Variants in ARSK observed in about 807,000 individuals in gnomAD.
The protein encoded by ARSK is arylsulfatase K.
In ARSK, 37 loss-of-function variants were observed where a neutral mutation model predicts 53.2. That is an observed-to-expected ratio of 0.70 (90% CI 0.54 to 0.92). The LOEUF (loss-of-function observed/expected upper bound fraction) is 0.92. ARSK is among the 40% of genes least tolerant of loss of function. The probability of loss-of-function intolerance (pLI) is 0.00; values close to 1 mark genes in which losing one functional copy is unlikely to be tolerated. For synonymous variants in ARSK, 208 were observed against 223.2 expected (o/e 0.93, Z 0.61); for missense variants, 613 against 643.0 (o/e 0.95, Z 0.51).
intron 1 of ARSK, among the ~76,000 whole-genome samples, chr5:95,564,601 G>A (rs1191011711): frequency 6.6e-6 from 1 of 151,728 alleles, no homozygotes; most frequent in Non-Finnish European, 1.5e-5. Context: ...TCTTTACCAC[G>A]CATCGAAAGT....
intron 1 of ARSK, chr5:95,556,367 TGAA>T (rs1748509257): frequency 1.6e-5 from 10 of 640,238 alleles, no homozygotes; most frequent in Non-Finnish European, 2.8e-5. Context: ...CAAAGGCAAA[TGAA>T]GGAAGCAGGA....
chr5:95,595,920 A>G (rs1475484079), intron 6 of ARSK, among the ~76,000 whole-genome samples: 1 of 152,238 alleles, frequency 6.6e-6, no homozygotes, highest in Non-Finnish European at 1.5e-5. Context: ...TTAAAACTGT[A>G]CAAATTGATG....
intron 1 of ARSK, among the ~76,000 whole-genome samples, chr5:95,560,822 TG>T (rs74894591): frequency 0.19 from 21,768 of 112,982 alleles, 2,170 homozygotes; most frequent in African/African-American, 0.35. Context: ...TTTTTTTTTT[TG>T]AAATGGAGTC....
chr5:95,591,402 T>C lies in ARSK; in HGVS notation c.873T>C (p.Gly291=). The C allele has an allele frequency of 6.2e-7, 1 of 1,603,872 alleles. No individual in the cohort carries two copies. Among genetic ancestry groups the C allele is most frequent in the Non-Finnish European group, 8.5e-7 (1 of 1,170,738 alleles). The part of the protein sequence containing the change: ...AMCAETDAML[G]EIILALHQLD... ...GGTTTATCATGATTTCTATTGTAGG[T>C]GAAATTATTTTGGCCCTTCATCAAT... The change falls in exon 6 of 8, where the codon GGT becomes GGC. Residue 291 remains glycine, a splice_region_variant and synonymous_variant. Coordinates refer to ENST00000380009, the MANE Select transcript of ARSK (RefSeq NM_198150.3).
Position 95,583,070 on chromosome 5 carries a change from G to T in ARSK, c.571G>T (p.Ala191Ser), listed in dbSNP as rs764966023. The change falls in exon 4 of 8, where the codon GCA becomes TCA. Residue 191 changes from alanine (A) to serine (S), a missense_variant. By Grantham distance (99) the Ala-to-Ser change is moderately conservative (BLOSUM62 1). Transcript: ENST00000380009. The part of the protein sequence containing the change: ...DKAVNWLRKE[A>S]INYTEPFVIY... ...AGCAGTAAACTGGTTAAGAAAGGAAGCAATTAATTACACTGAACCATTTGT... is the reference window on the plus strand; with the variant it reads ...AGCAGTAAACTGGTTAAGAAAGGAATCAATTAATTACACTGAACCATTTGT... 17 of 1,613,632 alleles carry T rather than the reference G, an allele frequency of 1.1e-5. No homozygotes were observed. Among genetic ancestry groups the T allele is most frequent in the Non-Finnish European group, 1.4e-5 (17 of 1,179,748 alleles).
rs1311195987 is a variant in ARSK, at chr5:95,588,086, T to C, written c.871+1353T>C. 3.3e-5 allele frequency among the ~76,000 whole-genome samples: 5 copies of C among 152,152 alleles called. No individual in the cohort carries two copies. The South Asian group carries it at 6.2e-4, about 19-fold the overall frequency. ...ATACTAGAAATTGCATTTGAAAGTTTATAGCCATTCATTCATCTGTATCTA... is the reference window on the plus strand; with the variant it reads ...ATACTAGAAATTGCATTTGAAAGTTCATAGCCATTCATTCATCTGTATCTA... On this transcript the variant is annotated intron_variant, in intron 5 of 7. Transcript: ENST00000380009.
intron 3 of ARSK, among the ~76,000 whole-genome samples, chr5:95,568,656 A>T (rs1156706477): frequency 6.6e-6 from 1 of 152,206 alleles, no homozygotes; most frequent in Non-Finnish European, 1.5e-5. Context: ...AAGAGCTAAC[A>T]TAGGAGGCCT....
intron 3 of ARSK, among the ~76,000 whole-genome samples, chr5:95,575,357 T>C (rs1748907635): frequency 6.6e-6 from 1 of 152,140 alleles, no homozygotes; most frequent in Non-Finnish European, 1.5e-5. Flanking sequence ...TGTTTGTTTG[T>C]TTTTTCTTTT....
chr5:95,584,698 GA>G (rs200685212), intron 4 of ARSK, among the ~76,000 whole-genome samples: 13 of 149,704 alleles, frequency 8.7e-5, no homozygotes, highest in South Asian at 4.2e-4. Flanking sequence ...AGAGTAGCAA[GA>G]AAAAAAAAAT....
At chr5:95,580,865 G>A (rs1749010616) in intron 3 of ARSK, 1 of 1,266,224 alleles carries the variant, frequency 7.9e-7, no homozygotes, top group African/African-American at 1.5e-5. Flanking sequence ...AATTTGCAAA[G>A]AAATAAATTG....
At chr5:95,583,322 C>T (rs1055488438) in intron 4 of ARSK, 124 bp downstream of exon 4, 1 of 814,162 alleles carries the variant, frequency 1.2e-6, no homozygotes, top group Non-Finnish European at 1.8e-6. Context: ...TCAAACTTGA[C>T]CAATAACTAG....
In ARSK at chr5:95,586,591, G is replaced by A. The variant is rs750316907; in HGVS notation, c.729G>A (p.Lys243=). The change falls in exon 5 of 8, where the codon AAG becomes AAA. Residue 243 remains lysine, a synonymous_variant. Transcript: ENST00000380009. ...KVSHDAIKIP[K]WSPLSEMHPV... is the part of the protein sequence containing the mutation. The stretch of plus-strand genomic sequence containing the variant: ...CTCATGATGCCATCAAAATCCCAAA[G>A]TGGTCACCTTTGTCAGAAATGCACC... The A allele has an allele frequency of 6.2e-7, 1 of 1,611,812 alleles. No homozygotes were observed. The highest frequency in any genetic ancestry group is 8.5e-7 in the Non-Finnish European group (1 of 1,179,244).
intron 5 of ARSK, among the ~76,000 whole-genome samples, chr5:95,590,964 G>T (rs1749202505): frequency 6.6e-6 from 1 of 152,178 alleles, no homozygotes; most frequent in Non-Finnish European, 1.5e-5. Context: ...GAGAAGAAGA[G>T]TTCTGACTGC....
At chr5:95,572,860 G>C (rs1361293258) in intron 3 of ARSK, among the ~76,000 whole-genome samples, 1 of 152,154 alleles carries the variant, frequency 6.6e-6, no homozygotes, top group Non-Finnish European at 1.5e-5. Context: ...TTTCAACTGA[G>C]GGCGGTCACC....
rs553588408 is a variant in ARSK, at chr5:95,565,254, AT to A, written c.127-735del. Among the ~76,000 whole-genome samples the A allele has an allele frequency of 5.5e-3, 836 of 151,374 alleles. 6 individuals are homozygous for A. Among genetic ancestry groups the A allele is most frequent in the African/African-American group, 0.019 (797 of 41,318 alleles). ...TCAGACTCACTTATCAAGCTGCCTA[AT>A]TTTTTTTTGTAGAAACAGGGTCTCC... On this transcript the variant is annotated intron_variant, in intron 1 of 7. Coordinates refer to ENST00000380009, the MANE Select transcript of ARSK (RefSeq NM_198150.3).
At chr5:95,592,329 A>C (rs1749232251) in intron 6 of ARSK, among the ~76,000 whole-genome samples, 2 of 152,208 alleles carry the variant, frequency 1.3e-5, no homozygotes, top group Non-Finnish European at 2.9e-5. Context: ...AAATAGCACA[A>C]GTTATGTTCT....
rs199789024 is a variant in ARSK, at chr5:95,588,975, A to AAAC, written c.871+2244_871+2245insCAA. 9.4e-3 allele frequency among the ~76,000 whole-genome samples: 1,279 copies of AAAC among 136,730 alleles called. 14 individuals are homozygous for AAAC. The highest frequency in any genetic ancestry group is 0.039 in the African/African-American group (1,216 of 31,362). The allele number at this position is 136,730 out of a possible 152,430, so 89.7% of individuals were successfully genotyped here. On this transcript the variant is annotated intron_variant, in intron 5 of 7. Transcript: ENST00000380009. ...GACTCCGTCTCAAAAACAAACAAAC[A>AAAC]AAAAAAAAATTAAAGACAATCTAGT...
chr5:95,588,739 G>A (rs935390516), intron 5 of ARSK, among the ~76,000 whole-genome samples: 5 of 151,938 alleles, frequency 3.3e-5, no homozygotes, highest in African/African-American at 4.8e-5. Flanking sequence ...CGAGGCAAGC[G>A]GATCACAAGG....
rs1749218720 is a variant in ARSK at position 95,591,630 on chromosome 5, G to A, written c.1096+5G>A. 6 of 1,611,628 alleles carry A rather than the reference G, an allele frequency of 3.7e-6. No individual in the cohort carries two copies. The East Asian group carries it at 1.3e-4, about 36-fold the overall frequency. On this transcript the variant is annotated splice_donor_5th_base_variant and intron_variant, in intron 6 of 7. Coordinates refer to ENST00000380009, the MANE Select transcript of ARSK (RefSeq NM_198150.3). Reference sequence around the variant, plus strand: ...ATATTTACCCTACCATGCTTGGTAAGTAATGTAGTTCTGTAAATATTTATT... The same window carrying A: ...ATATTTACCCTACCATGCTTGGTAAATAATGTAGTTCTGTAAATATTTATT...
Sources: allele counts gnomAD v4.1 joint callset (sites outside exome capture counted in the v4.1 genomes callset), GRCh38; gene constraint gnomAD v4.1.1; transcripts MANE v1.5; gene names NCBI Gene and HGNC (gene_info 2026-07-23, HGNC 2026-07-21).